CTNNA3: variants seen among roughly 807,000 people sequenced by gnomAD.
CTNNA3 encodes catenin alpha 3.
CTNNA3 carries 76 observed loss-of-function variants against 95.7 expected under a neutral mutation model. The ratio of observed to expected loss-of-function variants is 0.79; its 90% CI spans 0.66 to 0.96. CTNNA3 has a LOEUF of 0.96. CTNNA3 is among the 40% of genes least tolerant of loss of function. CTNNA3 has a pLI of 0.00. For synonymous variants in CTNNA3, 431 were observed against 374.4 expected (o/e 1.15, Z -1.74); for missense variants, 1,191 against 1,089.8 (o/e 1.09, Z -1.31).
At chr10:66,255,564 T>C (rs2090735771) in intron 13 of CTNNA3, among the ~76,000 whole-genome samples, 1 of 152,146 alleles carries the variant, frequency 6.6e-6, no homozygotes, top group Admixed American at 6.5e-5. Flanking sequence ...TCCATTTGCC[T>C]CTCACACTCT....
chr10:66,586,406 C>A (rs1843362778), intron 10 of CTNNA3, among the ~76,000 whole-genome samples: 1 of 152,136 alleles, frequency 6.6e-6, no homozygotes, highest in African/African-American at 2.4e-5. Flanking sequence ...AGGAGCCACC[C>A]CAGCTCTCCT....
chr10:66,379,160 G>A lies in CTNNA3; in HGVS notation c.1724C>T (p.Thr575Ile). 1 of 1,613,412 alleles carries A rather than the reference G, an allele frequency of 6.2e-7. No individual in the cohort carries two copies. Among genetic ancestry groups the A allele is most frequent in the Non-Finnish European group, 8.5e-7 (1 of 1,179,346 alleles). ...EGVMRNVNFL[T>I]STVIPEFVTQ... The stretch of plus-strand genomic sequence containing the variant: ...ATTGGCAACTGACTTACCAGTACTT[G>A]TAAGGAAGTTAACATTTCTCATTAC... Residue 575 changes from threonine (T) to isoleucine (I), a missense_variant, in exon 12 of 18, where the codon ACA becomes ATA. By Grantham distance (89) the Thr-to-Ile change is moderately conservative (BLOSUM62 -1). Coordinates refer to ENST00000433211, the MANE Select transcript of CTNNA3 (RefSeq NM_013266.4).
intron 10 of CTNNA3, among the ~76,000 whole-genome samples, chr10:66,571,414 A>G (rs1000505273): frequency 1.3e-5 from 2 of 152,166 alleles, no homozygotes; most frequent in Admixed American, 1.3e-4. Flanking sequence ...CTACATAATA[A>G]TCCTGTGAGG....
intron 6 of CTNNA3, among the ~76,000 whole-genome samples, chr10:67,198,677 T>C (rs918344491): frequency 2.0e-5 from 3 of 152,208 alleles, no homozygotes; most frequent in Non-Finnish European, 2.9e-5. Flanking sequence ...AGGGTGTCGA[T>C]GCAAGACTGA....
At chr10:67,147,235 T>C (rs549578370) in intron 7 of CTNNA3, among the ~76,000 whole-genome samples, 36 of 152,320 alleles carry the variant, frequency 2.4e-4, no homozygotes, top group Admixed American at 2.2e-3. Flanking sequence ...AATGCAGCAC[T>C]GAGAGGCAAA....
intron 17 of CTNNA3, among the ~76,000 whole-genome samples, chr10:65,933,692 A>G (rs972126645): frequency 4.6e-5 from 7 of 152,192 alleles, no homozygotes; most frequent in Admixed American, 4.6e-4. Context: ...GGTCTAAAGT[A>G]TTTTTAATAA....
chr10:67,554,831 T>G (rs1189512071), intron 3 of CTNNA3, among the ~76,000 whole-genome samples: 1 of 152,224 alleles, frequency 6.6e-6, no homozygotes, highest in Non-Finnish European at 1.5e-5. Context: ...TCCTTGCGCA[T>G]GCCTATGTCC....
chr10:67,105,866 T>C (rs1858605762), intron 7 of CTNNA3, among the ~76,000 whole-genome samples: 1 of 152,212 alleles, frequency 6.6e-6, no homozygotes, highest in Non-Finnish European at 1.5e-5. Context: ...ACTTGCATAT[T>C]ATCTGGAGAA....
intron 5 of CTNNA3, among the ~76,000 whole-genome samples, chr10:67,460,185 C>T (rs1218841562): frequency 6.6e-6 from 1 of 152,096 alleles, no homozygotes; most frequent in Non-Finnish European, 1.5e-5. Context: ...ATGAAGAAAG[C>T]ACTTTCCTAT....
intron 11 of CTNNA3, among the ~76,000 whole-genome samples, chr10:66,399,134 G>A (rs2093001290): frequency 1.3e-5 from 2 of 151,978 alleles, no homozygotes; most frequent in Admixed American, 6.6e-5. Flanking sequence ...TAATCTGGGT[G>A]ACTATAATTA....
At chr10:67,499,970 C>G (rs1298270981) in intron 5 of CTNNA3, among the ~76,000 whole-genome samples, 1 of 152,086 alleles carries the variant, frequency 6.6e-6, no homozygotes, top group Non-Finnish European at 1.5e-5. Context: ...TTGTCTTCTG[C>G]TAGCTTTTGA....
rs1327418198 is a variant in CTNNA3 at position 67,647,438 on chromosome 10, G to T, written c.76C>A (p.Leu26Ile). The change falls in exon 2 of 18, where the codon CTA becomes ATA. Residue 26 changes from leucine (L) to isoleucine (I), a missense_variant. Coordinates refer to ENST00000433211, the MANE Select transcript of CTNNA3 (RefSeq NM_013266.4). ...ACCTGGATTATGAGAGGCTCCAGTA[G>T]CTTCTCCACGGTGAATGTTTGGACC... ...LQVQTFTVEK[L>I]LEPLIIQVTT... The T allele has an allele frequency of 5.0e-6, 8 of 1,613,048 alleles. No homozygotes were observed. Among genetic ancestry groups the T allele is most frequent in the South Asian group, 3.3e-5 (3 of 91,022 alleles).
chr10:66,958,607 T>G (rs1848959028), intron 7 of CTNNA3, among the ~76,000 whole-genome samples: 1 of 151,850 alleles, frequency 6.6e-6, no homozygotes, highest in Admixed American at 6.6e-5. Flanking sequence ...ATTAAATACT[T>G]ACAGAAAACA....
chr10:66,244,962 T>C (rs1326256740), intron 13 of CTNNA3, among the ~76,000 whole-genome samples: 7 of 152,192 alleles, frequency 4.6e-5, no homozygotes, highest in Non-Finnish European at 1.5e-5. Flanking sequence ...GGGGTGTTGC[T>C]TTTCTGGCCT....
chr10:65,974,870 T>C (rs1360828208), intron 16 of CTNNA3, among the ~76,000 whole-genome samples: 1 of 152,174 alleles, frequency 6.6e-6, no homozygotes. Flanking sequence ...ATTTTGTATA[T>C]CTTAAATATA....
At chr10:67,083,356 A>G (rs959797654) in intron 7 of CTNNA3, among the ~76,000 whole-genome samples, 3 of 151,982 alleles carry the variant, frequency 2.0e-5, no homozygotes, top group African/African-American at 7.3e-5. Context: ...CAGTTATTCA[A>G]TGTTCTTTCT....
intron 7 of CTNNA3, among the ~76,000 whole-genome samples, chr10:67,050,585 G>C (rs1855025190): frequency 6.6e-6 from 1 of 152,146 alleles, no homozygotes; most frequent in African/African-American, 2.4e-5. Flanking sequence ...GCTCGAGTGG[G>C]AGACATTGTT....
At chr10:66,777,728 A>C (rs1277621255) in intron 7 of CTNNA3, among the ~76,000 whole-genome samples, 1 of 151,388 alleles carries the variant, frequency 6.6e-6, no homozygotes, top group African/African-American at 2.4e-5. Flanking sequence ...GATAATAAAA[A>C]AGAGGCAGAA....
chr10:66,191,342 A>G (rs558478051), intron 13 of CTNNA3, among the ~76,000 whole-genome samples: 1 of 152,108 alleles, frequency 6.6e-6, no homozygotes, highest in Non-Finnish European at 1.5e-5. Flanking sequence ...CCTGTGTTTC[A>G]TCCCTCCATG....
Sources: allele counts gnomAD v4.1 joint callset (sites outside exome capture counted in the v4.1 genomes callset), GRCh38; gene constraint gnomAD v4.1.1; transcripts MANE v1.5; gene names NCBI Gene and HGNC (gene_info 2026-07-23, HGNC 2026-07-21).